Variants in MSH3 observed in about 807,000 individuals in gnomAD.
The protein encoded by MSH3 is DNA mismatch repair protein Msh3.
MSH3 carries 106 observed loss-of-function variants against 123.3 expected under a neutral mutation model. The observed-to-expected ratio is 0.86, with a 90% CI of 0.73 to 1.01. The LOEUF is 1.01. Ranked by LOEUF, MSH3 falls within the 50% of genes least tolerant of loss-of-function variation. MSH3 has a pLI of 0.00. For missense variants in MSH3, 1,459 were observed against 1,347.6 expected, an observed-to-expected ratio of 1.08 and a Z score of -1.29; for synonymous variants, 515 against 481.4, an observed-to-expected ratio of 1.07 and a Z score of -0.91.
chr5:80,737,642 T>C (rs1466298100), intron 10 of MSH3, among the ~76,000 whole-genome samples: 2 of 152,156 alleles, frequency 1.3e-5, no homozygotes, highest in African/African-American at 4.8e-5. Flanking sequence ...TTGGATACCT[T>C]AGGATGCTGG....
intron 7 of MSH3, among the ~76,000 whole-genome samples, chr5:80,677,577 C>T (rs1749870556): frequency 6.6e-6 from 1 of 152,064 alleles, no homozygotes; most frequent in African/African-American, 2.4e-5. Flanking sequence ...AAGGATGTTC[C>T]TTAATTACAG....
chr5:80,705,252 C>G (rs1750693769), intron 8 of MSH3, among the ~76,000 whole-genome samples: 1 of 152,114 alleles, frequency 6.6e-6, no homozygotes, highest in Non-Finnish European at 1.5e-5. Context: ...TGAAGCTGCC[C>G]TACAATTTCC....
intron 2 of MSH3, among the ~76,000 whole-genome samples, chr5:80,660,275 G>A (rs1248410596): frequency 6.6e-6 from 1 of 151,748 alleles, no homozygotes; most frequent in Non-Finnish European, 1.5e-5. Context: ...CTTACATGGC[G>A]GTGGCAAGAG....
At position 80,736,854 on chromosome 5, in the gene MSH3, G is replaced by A. The variant is rs181820627; in HGVS notation, c.1569-4610G>A. On this transcript the variant is annotated intron_variant, in intron 10 of 23. Transcript: ENST00000265081. ...GCCTGGAGAGGATTCTTGGATGCCC[G>A]GTTCCCCCTGGACTTTGCCTCAGGC... Among the ~76,000 whole-genome samples, 143 of 152,268 alleles carry A rather than the reference G, an allele frequency of 9.4e-4. 2 individuals carry two copies. Among genetic ancestry groups the A allele is most frequent in the Non-Finnish European group, 1.9e-4 (13 of 68,022 alleles).
intron 8 of MSH3, among the ~76,000 whole-genome samples, chr5:80,706,710 T>G (rs550405382): frequency 1.1e-4 from 17 of 152,334 alleles, no homozygotes; most frequent in African/African-American, 3.8e-4. Context: ...TCACCATTGC[T>G]TTTTGCTGAG....
rs1285369155 is a variant in MSH3, at chr5:80,784,233, AAAAAAAG to A, written c.2436-3331_2436-3325del. Among the ~76,000 whole-genome samples the A allele has an allele frequency of 2.8e-4, 37 of 133,040 alleles. 6 individuals carry two copies. The highest frequency in any genetic ancestry group is 8.2e-4 in the Admixed American group (11 of 13,490). The allele number at this position is 133,040 out of a possible 152,430, so 87.3% of individuals were successfully genotyped here. ...GTCGCAAAAAAAAAAAAAAAAAAAAAAAAAAAGGGAAATAAATAAATAAATAAATAAA... is the reference window on the plus strand; with the variant it reads ...GTCGCAAAAAAAAAAAAAAAAAAAAAGGAAATAAATAAATAAATAAATAAA... On this transcript the variant is annotated intron_variant, in intron 17 of 23. Transcript: ENST00000265081.
intron 10 of MSH3, among the ~76,000 whole-genome samples, chr5:80,731,117 T>G (rs959344379): frequency 6.6e-6 from 1 of 151,906 alleles, no homozygotes; most frequent in Non-Finnish European, 1.5e-5. Context: ...TTGGCCAGGC[T>G]GGTCTTAAAC....
intron 11 of MSH3, 124 bp downstream of exon 11, chr5:80,741,672 TTGATAACTG>T: frequency 1.4e-6 from 1 of 735,288 alleles, no homozygotes; most frequent in Non-Finnish European, 2.5e-6. Context: ...GCAGTATTAA[TTGATAACTG>T]TAGCTCTTTT....
chr5:80,685,774 C>G (rs1650747), intron 8 of MSH3, among the ~76,000 whole-genome samples: 38,227 of 151,614 alleles, frequency 0.25, 4,910 homozygotes, highest in Middle Eastern at 0.32. Flanking sequence ...CCTCTTTTTT[C>G]ATGTAGGTGC....
chr5:80,658,035 C>CTTTTTTTTTTTT (rs1554066333), intron 2 of MSH3, among the ~76,000 whole-genome samples: 8 of 87,198 alleles, frequency 9.2e-5, no homozygotes, highest in East Asian at 5.1e-4. Context: ...GCTTTTTGCC[C>CTTTTTTTTTTTT]TCTTTTTTTT....
At chr5:80,670,636 AGACTC>A (rs1416895202) in intron 4 of MSH3, among the ~76,000 whole-genome samples, 7 of 152,198 alleles carry the variant, frequency 4.6e-5, no homozygotes, top group African/African-American at 1.7e-4. Flanking sequence ...TTTCTAATGA[AGACTC>A]AAGCAAGAAA....
intron 20 of MSH3, among the ~76,000 whole-genome samples, chr5:80,819,468 A>G (rs2441003): frequency 0.54 from 58,940 of 108,656 alleles, 13,783 homozygotes; most frequent in Non-Finnish European, 0.61. Context: ...GTGTGTGTGT[A>G]TATATATATA....
chr5:80,799,600 G>C (rs1744758153), intron 19 of MSH3, among the ~76,000 whole-genome samples: 1 of 124,658 alleles, frequency 8.0e-6, no homozygotes, highest in African/African-American at 3.1e-5. Context: ...TTTTTCTGCT[G>C]TACATCTGCT....
At chr5:80,666,015 T>A (rs1414391072) in intron 3 of MSH3, among the ~76,000 whole-genome samples, 1 of 151,766 alleles carries the variant, frequency 6.6e-6, no homozygotes, top group Non-Finnish European at 1.5e-5. Flanking sequence ...TAATTGGTTT[T>A]CACTGACAAA....
chr5:80,777,615 T>G (rs1434369431), intron 16 of MSH3, among the ~76,000 whole-genome samples: 1 of 152,190 alleles, frequency 6.6e-6, no homozygotes, highest in Non-Finnish European at 1.5e-5. Context: ...TAATGTAAAT[T>G]GAATCAACAG....
chr5:80,775,786 CA>C (rs1417781638), intron 16 of MSH3, 28 bp downstream of exon 16: 6 of 1,283,570 alleles, frequency 4.7e-6, no homozygotes, highest in Admixed American at 3.4e-5. Flanking sequence ...TTTTTTCTTA[CA>C]ATGCATTATG....
chr5:80,797,353 A>C (rs934366802), intron 19 of MSH3, among the ~76,000 whole-genome samples: 21 of 152,352 alleles, frequency 1.4e-4, no homozygotes, highest in Middle Eastern at 3.4e-3. Flanking sequence ...GTTCTCTGGC[A>C]CATAGCTGGC....
At chr5:80,706,545 G>A (rs549701303) in intron 8 of MSH3, among the ~76,000 whole-genome samples, 10 of 152,246 alleles carry the variant, frequency 6.6e-5, no homozygotes, top group African/African-American at 2.4e-4. Context: ...GTCACAGGAA[G>A]CATAAATTAT....
chr5:80,731,794 A>G lies in MSH3; in HGVS notation c.1568+2829A>G, dbSNP rs73765866. Among the ~76,000 whole-genome samples the G allele has an allele frequency of 2.2e-3, 331 of 152,292 alleles. 2 individuals are homozygous for G. The highest frequency in any genetic ancestry group is 6.3e-3 in the African/African-American group (263 of 41,570). Reference sequence around the variant, plus strand: ...TAAGGTGATTACTTTGGAAAAATGAATATTCTCCTTGTAGATGAAAAATTC... The same window carrying G: ...TAAGGTGATTACTTTGGAAAAATGAGTATTCTCCTTGTAGATGAAAAATTC... On this transcript the variant is annotated intron_variant, in intron 10 of 23. Coordinates refer to ENST00000265081, the MANE Select transcript of MSH3 (RefSeq NM_002439.5).
Sources: allele counts gnomAD v4.1 joint callset (sites outside exome capture counted in the v4.1 genomes callset), GRCh38; gene constraint gnomAD v4.1.1; transcripts MANE v1.5; gene names NCBI Gene and HGNC (gene_info 2026-07-23, HGNC 2026-07-21).